Variants in IGBP1C observed in about 807,000 individuals in gnomAD.
IGBP1C encodes the protein IGBP1 family member C, also known as immunoglobulin-binding protein 1 family member C.
At chr17:58,662,429 A>T in the IGBP1C span, among the ~76,000 whole-genome samples, 4 of 150,836 alleles carry the variant, frequency 2.7e-5, no homozygotes, top group African/African-American at 9.7e-5. Context: ...ACACACACAC[A>T]CACACACACA....
At chr17:58,670,424 TA>T in the IGBP1C span, among the ~76,000 whole-genome samples, 395 of 143,082 alleles carry the variant, frequency 2.8e-3, no homozygotes, top group Admixed American at 7.0e-3. Flanking sequence ...TTGGGAAGAT[TA>T]AAAAAAAAAA....
At chr17:58,672,582 C>T in the IGBP1C span, among the ~76,000 whole-genome samples, 26,063 of 151,926 alleles carry the variant, frequency 0.17, 2,374 homozygotes, top group Non-Finnish European at 0.19. Flanking sequence ...TATAGGCACG[C>T]GCCACCAGGC....
At chr17:58,670,775 A>C in the IGBP1C span, among the ~76,000 whole-genome samples, 12 of 146,958 alleles carry the variant, frequency 8.2e-5, 2 homozygotes, top group African/African-American at 2.5e-4. Flanking sequence ...TCCCTCTTAA[A>C]AAAAAAAAAA....
At chr17:58,683,037 T>C in the IGBP1C span, among the ~76,000 whole-genome samples, 1 of 112,870 alleles carries the variant, frequency 8.9e-6, no homozygotes, top group East Asian at 2.4e-4. Context: ...TGGGCGACAG[T>C]GCGAGAGTCT....
the IGBP1C span, among the ~76,000 whole-genome samples, chr17:58,667,923 G>A: frequency 6.7e-6 from 1 of 148,686 alleles, no homozygotes; most frequent in South Asian, 2.1e-4. Context: ...TTCTTTTCTT[G>A]TTTGCTTGGC....
the IGBP1C span, among the ~76,000 whole-genome samples, chr17:58,683,574 T>A: frequency 7.2e-6 from 1 of 138,708 alleles, no homozygotes; most frequent in Admixed American, 7.4e-5. Flanking sequence ...ACCAGCCTGG[T>A]CAACATGGTG....
the IGBP1C span, chr17:58,660,522 G>T: frequency 8.2e-6 from 6 of 729,010 alleles, no homozygotes; most frequent in Non-Finnish European, 1.5e-5. Flanking sequence ...AGGCTGCATG[G>T]TTTTCCTTGG....
At chr17:58,682,961 T>G in the IGBP1C span, among the ~76,000 whole-genome samples, 1 of 146,780 alleles carries the variant, frequency 6.8e-6, no homozygotes, top group Admixed American at 7.1e-5. Flanking sequence ...GGCTAACACC[T>G]ACAATCCCAG....
At chr17:58,672,609 TA>T in the IGBP1C span, among the ~76,000 whole-genome samples, 1 of 152,110 alleles carries the variant, frequency 6.6e-6, no homozygotes, top group Admixed American at 6.6e-5. Context: ...AATGTTTTTT[TA>T]TTTTTTGTAT....
At chr17:58,666,660 C>T in the IGBP1C span, 1 of 152,148 alleles carries the variant, frequency 6.6e-6, no homozygotes, top group Admixed American at 6.6e-5. Context: ...GGAAAAACCA[C>T]CTCCATAATC....
At chr17:58,681,876 A>G in the IGBP1C span, among the ~76,000 whole-genome samples, 1 of 152,082 alleles carries the variant, frequency 6.6e-6, no homozygotes, top group Non-Finnish European at 1.5e-5. Context: ...AAAAGAAAAA[A>G]GAAATCTGGT....
the IGBP1C span, among the ~76,000 whole-genome samples, chr17:58,676,207 C>T: frequency 7.6e-4 from 115 of 152,256 alleles, no homozygotes; most frequent in African/African-American, 2.6e-3. Flanking sequence ...GAAACCCCAT[C>T]TCTACTAAAA....
chr17:58,681,311 A>G, the IGBP1C span, among the ~76,000 whole-genome samples: 1 of 152,116 alleles, frequency 6.6e-6, no homozygotes, highest in East Asian at 1.9e-4. Context: ...ACAAGCAACA[A>G]CTGAGAACAT....
the IGBP1C span, among the ~76,000 whole-genome samples, chr17:58,682,766 C>T: frequency 1.3e-5 from 2 of 152,120 alleles, no homozygotes; most frequent in African/African-American, 4.8e-5. Context: ...GCCTAGTTAT[C>T]AAAATATCTG....
At chr17:58,680,695 C>G in the IGBP1C span, among the ~76,000 whole-genome samples, 3 of 151,998 alleles carry the variant, frequency 2.0e-5, no homozygotes, top group Non-Finnish European at 4.4e-5. Context: ...GAGATCACGC[C>G]GCTGCACTCT....
chr17:58,691,241 T>C, the IGBP1C span, among the ~76,000 whole-genome samples: 339 of 152,322 alleles, frequency 2.2e-3, 1 homozygote, highest in Middle Eastern at 3.4e-3. Flanking sequence ...GCTATGGCCA[T>C]TTGAAATGTG....
the IGBP1C span, among the ~76,000 whole-genome samples, chr17:58,668,843 C>T: frequency 2.6e-5 from 4 of 152,130 alleles, no homozygotes; most frequent in African/African-American, 4.8e-5. Context: ...ACCCAAAGGC[C>T]CTGAGGACTG....
the IGBP1C span, chr17:58,661,165 C>T: frequency 4.1e-5 from 33 of 814,778 alleles, no homozygotes; most frequent in Non-Finnish European, 6.9e-5. Flanking sequence ...TAGGATAAGC[C>T]GTGGAGGTAA....
chr17:58,676,452 C>T, the IGBP1C span, among the ~76,000 whole-genome samples: 460 of 151,898 alleles, frequency 3.0e-3, 2 homozygotes, highest in Middle Eastern at 0.017. Flanking sequence ...CTCAGCTACT[C>T]GGGAGGCTGA....
Sources: allele counts gnomAD v4.1 joint callset (sites outside exome capture counted in the v4.1 genomes callset), GRCh38; gene constraint gnomAD v4.1.1; transcripts MANE v1.5; gene names NCBI Gene and HGNC (gene_info 2026-07-23, HGNC 2026-07-21).